Variants in GRIK2 observed in about 807,000 individuals in gnomAD.
GRIK2 encodes glutamate ionotropic receptor kainate type subunit 2.
GRIK2 carries 32 observed loss-of-function variants against 100.3 expected under a neutral mutation model. That is an observed-to-expected ratio of 0.32 (90% CI 0.24 to 0.43). GRIK2 has a LOEUF of 0.43. Among genes scored for constraint, GRIK2 ranks in the 20% least tolerant of loss-of-function variants. The pLI is 1.00. For synonymous variants in GRIK2, 417 were observed against 389.4 expected (o/e 1.07, Z -0.83); for missense variants, 843 against 1,114.9 (o/e 0.76, Z 3.47).
Position 102,042,091 on chromosome 6 carries a change from T to TATCA in GRIK2, c.2311+6526_2311+6529dup, listed in dbSNP as rs370320702. ...TACTATATAAAGTTAAGAAAATTCC[T>TATCA]ATCATAAGGCATTATCTGAACAAGC... is the stretch of plus-strand genomic sequence containing the variant. On this transcript the variant is annotated intron_variant, in intron 15 of 16. Transcript: ENST00000369134. 2.3e-3 allele frequency among the ~76,000 whole-genome samples: 343 copies of TATCA among 151,860 alleles called. 2 individuals carry two copies. Among genetic ancestry groups the TATCA allele is most frequent in the African/African-American group, 7.1e-3 (295 of 41,530 alleles).
At chr6:101,734,411 C>A (rs1372199248) in intron 7 of GRIK2, among the ~76,000 whole-genome samples, 2 of 152,210 alleles carry the variant, frequency 1.3e-5, no homozygotes, top group Non-Finnish European at 2.9e-5. Context: ...CTGTTCAGCA[C>A]ATGAGGGTCA....
chr6:101,862,488 G>A (rs1784786966), intron 11 of GRIK2, among the ~76,000 whole-genome samples: 1 of 152,044 alleles, frequency 6.6e-6, no homozygotes. Context: ...GGGTTCAGTG[G>A]CATAATCATA....
At chr6:101,423,586 T>C (rs1292151177) in intron 2 of GRIK2, among the ~76,000 whole-genome samples, 1 of 152,222 alleles carries the variant, frequency 6.6e-6, no homozygotes, top group Non-Finnish European at 1.5e-5. Context: ...GTTGGCCATT[T>C]GTATATCTTC....
intron 11 of GRIK2, among the ~76,000 whole-genome samples, chr6:101,883,467 C>A (rs1053190157): frequency 6.6e-6 from 1 of 152,018 alleles, no homozygotes; most frequent in African/African-American, 2.4e-5. Context: ...CAGTGAAACT[C>A]CTTACTCAAA....
intron 2 of GRIK2, among the ~76,000 whole-genome samples, chr6:101,537,447 TGTGTGTGC>T (rs767056354): frequency 0.015 from 1,078 of 71,112 alleles, 8 homozygotes; most frequent in African/African-American, 0.055. Context: ...TGTGTTTGTG[TGTGTGTGC>T]GTGTGTGTGT....
intron 12 of GRIK2, among the ~76,000 whole-genome samples, chr6:101,920,121 A>C (rs902101765): frequency 6.6e-6 from 1 of 151,968 alleles, no homozygotes; most frequent in African/African-American, 2.4e-5. Context: ...TGAAGAAACC[A>C]GGCTGTGATA....
At chr6:101,777,129 C>T (rs1294709757) in intron 7 of GRIK2, among the ~76,000 whole-genome samples, 1 of 152,198 alleles carries the variant, frequency 6.6e-6, no homozygotes, top group Non-Finnish European at 1.5e-5. Context: ...ATACAAAGAG[C>T]CAGCAACAGA....
chr6:101,664,770 C>T lies in GRIK2; in HGVS notation c.542-11853C>T, dbSNP rs560718790. Among the ~76,000 whole-genome samples, 22 of 152,244 alleles carry T rather than the reference C, an allele frequency of 1.4e-4. No homozygotes were observed. The South Asian group carries it at 4.6e-3, about 32-fold the overall frequency. On this transcript the variant is annotated intron_variant, in intron 4 of 16. Transcript: ENST00000369134. ...TCTAAAGAGAAAGAGGTTTAATGGA[C>T]TCACAGATGACTGGGGAGGCCTCAC...
chr6:101,841,173 C>T (rs927509329), intron 10 of GRIK2, among the ~76,000 whole-genome samples: 4 of 152,092 alleles, frequency 2.6e-5, no homozygotes, highest in Non-Finnish European at 4.4e-5. Context: ...AATAGCATTC[C>T]GTGTTTACTA....
chr6:101,735,782 C>T (rs529290712), intron 7 of GRIK2, among the ~76,000 whole-genome samples: 1 of 152,310 alleles, frequency 6.6e-6, no homozygotes, highest in African/African-American at 2.4e-5. Flanking sequence ...CTCATGCCCT[C>T]ACATTTCAAA....
chr6:101,671,886 G>A (rs1770464370), intron 4 of GRIK2, among the ~76,000 whole-genome samples: 1 of 151,996 alleles, frequency 6.6e-6, no homozygotes, highest in African/African-American at 2.4e-5. Flanking sequence ...AAACTACTTA[G>A]TATTATTTAA....
intron 2 of GRIK2, among the ~76,000 whole-genome samples, chr6:101,608,723 G>A (rs1396813527): frequency 6.6e-6 from 1 of 151,578 alleles, no homozygotes; most frequent in African/African-American, 2.4e-5. Context: ...TAAATATGCA[G>A]TTCACTTCTC....
intron 14 of GRIK2, among the ~76,000 whole-genome samples, chr6:101,997,534 T>G (rs1273937559): frequency 1.3e-5 from 2 of 152,098 alleles, no homozygotes; most frequent in Non-Finnish European, 2.9e-5. Context: ...TCACATAGTA[T>G]TTATTTCCTA....
chr6:101,437,935 G>A (rs998296589), intron 2 of GRIK2, among the ~76,000 whole-genome samples: 16 of 151,996 alleles, frequency 1.1e-4, no homozygotes, highest in African/African-American at 3.9e-4. Context: ...AAATACAAAA[G>A]GAAATAAAGG....
intron 14 of GRIK2, among the ~76,000 whole-genome samples, chr6:101,948,004 C>A (rs1353120030): frequency 6.6e-6 from 1 of 152,026 alleles, no homozygotes; most frequent in Non-Finnish European, 1.5e-5. Flanking sequence ...AATGTAGAAA[C>A]CTTGGAATAT....
At chr6:101,735,857 C>G (rs1775597543) in intron 7 of GRIK2, among the ~76,000 whole-genome samples, 1 of 152,200 alleles carries the variant, frequency 6.6e-6, no homozygotes, top group Non-Finnish European at 1.5e-5. Flanking sequence ...CTCAAAAGTT[C>G]ACAATCGAAA....
chr6:101,722,079 T>C (rs957068867), intron 7 of GRIK2, among the ~76,000 whole-genome samples: 1 of 151,990 alleles, frequency 6.6e-6, no homozygotes, highest in Admixed American at 6.6e-5. Context: ...AATATACTAG[T>C]AGTGAGAACT....
In GRIK2 at chr6:101,553,686, A is replaced by T. The variant is rs1776613708; in HGVS notation, c.116-68263A>T. Reference sequence around the variant, plus strand: ...CAAAGTTTCCTTCTTTGTATGAGCAAGTTAAATTTGTGTTATGAAAGGCAG... The same window carrying T: ...CAAAGTTTCCTTCTTTGTATGAGCATGTTAAATTTGTGTTATGAAAGGCAG... On this transcript the variant is annotated intron_variant, in intron 2 of 16. Coordinates refer to ENST00000369134, the MANE Select transcript of GRIK2 (RefSeq NM_021956.5). 1.3e-5 allele frequency among the ~76,000 whole-genome samples: 2 copies of T among 152,212 alleles called. 1 individual carries two copies. The highest frequency in any genetic ancestry group is 4.1e-4 in the South Asian group (2 of 4,832).
At chr6:101,605,852 A>G (rs969108239) in intron 2 of GRIK2, among the ~76,000 whole-genome samples, 1 of 152,044 alleles carries the variant, frequency 6.6e-6, no homozygotes, top group Non-Finnish European at 1.5e-5. Flanking sequence ...TACTTTGTAG[A>G]GAGCAACTGA....
Sources: gnomAD v4.1 joint callset for allele counts (sites outside exome capture counted in the v4.1 genomes callset) on GRCh38, gnomAD v4.1.1 for gene constraint, MANE v1.5 for transcripts, NCBI Gene and HGNC (gene_info 2026-07-23, HGNC 2026-07-21) for gene names.